Variants in SGCZ observed in about 807,000 individuals in gnomAD.
SGCZ encodes the protein zeta-sarcoglycan.
A neutral mutation model predicts 41.3 loss-of-function variants in SGCZ; 40 were observed. The observed-to-expected ratio is 0.97, with a 90% CI of 0.75 to 1.26. The LOEUF (loss-of-function observed/expected upper bound fraction) is 1.26, where lower values mean the gene tolerates loss of function less well. SGCZ is among the 50% of genes most tolerant of loss of function. SGCZ has a pLI of 0.00. For missense variants in SGCZ, 552 were observed against 369.8 expected, an observed-to-expected ratio of 1.49 and a Z score of -4.04; for synonymous variants, 206 against 137.5, an observed-to-expected ratio of 1.50 and a Z score of -3.49.
At position 14,494,653 on chromosome 8, in the gene SGCZ, T is replaced by A. The variant is rs188248673; in HGVS notation, c.234+60079A>T. ...TTGCAACAGGCTCTGGCTGCAAAAC[T>A]TTTTTCAGTCAAATAGTAGCATTTG... On this transcript the variant is annotated intron_variant, in intron 2 of 7. Transcript: ENST00000382080. 3.3e-5 allele frequency among the ~76,000 whole-genome samples: 5 copies of A among 152,232 alleles called. No homozygotes were observed. In the South Asian group the frequency reaches 1.0e-3, roughly 32 times the overall value.
chr8:14,614,349 G>A (rs572461592), intron 1 of SGCZ, among the ~76,000 whole-genome samples: 34 of 151,914 alleles, frequency 2.2e-4, no homozygotes, highest in African/African-American at 5.5e-4. Context: ...CATATCAACC[G>A]CCTATAAATT....
At chr8:14,303,755 C>A (rs1288015439) in intron 3 of SGCZ, among the ~76,000 whole-genome samples, 1 of 151,946 alleles carries the variant, frequency 6.6e-6, no homozygotes, top group Non-Finnish European at 1.5e-5. Flanking sequence ...TATCAAATAT[C>A]TATCTACATA....
chr8:14,147,963 A>C (rs938374225), intron 5 of SGCZ, among the ~76,000 whole-genome samples: 1 of 152,180 alleles, frequency 6.6e-6, no homozygotes, highest in Non-Finnish European at 1.5e-5. Flanking sequence ...TCAGTGTGTC[A>C]ATAAAGAAAT....
intron 1 of SGCZ, among the ~76,000 whole-genome samples, chr8:14,728,195 CT>C (rs1810121258): frequency 6.6e-6 from 1 of 152,038 alleles, no homozygotes; most frequent in South Asian, 2.1e-4. Context: ...GAAGCAAACA[CT>C]TGAAGTCTGT....
intron 1 of SGCZ, among the ~76,000 whole-genome samples, chr8:15,172,472 A>G (rs964371260): frequency 1.3e-5 from 2 of 152,174 alleles, no homozygotes; most frequent in African/African-American, 4.8e-5. Context: ...TTATGTAATG[A>G]CTAGTGAAAA....
chr8:14,469,128 T>C (rs11203612), intron 2 of SGCZ, among the ~76,000 whole-genome samples: 57,829 of 151,862 alleles, frequency 0.38, 12,115 homozygotes, highest in African/African-American at 0.57. Flanking sequence ...ACCCCTCCAC[T>C]TTTTGCTTCA....
At chr8:14,267,357 G>A (rs192334999) in intron 3 of SGCZ, among the ~76,000 whole-genome samples, 3 of 152,068 alleles carry the variant, frequency 2.0e-5, no homozygotes, top group South Asian at 2.1e-4. Flanking sequence ...CATAAGTAGC[G>A]TTATCATTTA....
chr8:15,213,178 C>T (rs940398603), intron 1 of SGCZ, among the ~76,000 whole-genome samples: 3 of 151,866 alleles, frequency 2.0e-5, no homozygotes, highest in African/African-American at 7.2e-5. Context: ...AAGATAAATT[C>T]ACATAAAGTT....
chr8:14,339,852 G>A (rs1409366881), intron 2 of SGCZ, among the ~76,000 whole-genome samples: 1 of 151,946 alleles, frequency 6.6e-6, no homozygotes, highest in East Asian at 1.9e-4. Context: ...AAAAACACAT[G>A]GGAATGAAAT....
chr8:14,572,255 T>C (rs533873835), intron 1 of SGCZ, among the ~76,000 whole-genome samples: 15 of 152,294 alleles, frequency 9.8e-5, no homozygotes, highest in Non-Finnish European at 1.6e-4. Flanking sequence ...ACCATTCCTT[T>C]ATAATCTGAA....
intron 1 of SGCZ, among the ~76,000 whole-genome samples, chr8:14,582,107 T>G (rs1804909771): frequency 1.3e-5 from 2 of 152,266 alleles, no homozygotes; most frequent in African/African-American, 4.8e-5. Flanking sequence ...ATAAATATAT[T>G]TTCTCTTTCT....
At chr8:14,817,179 T>C (rs1029775542) in intron 1 of SGCZ, among the ~76,000 whole-genome samples, 12 of 152,180 alleles carry the variant, frequency 7.9e-5, no homozygotes, top group South Asian at 2.1e-4. Context: ...TGCCTCCTTC[T>C]GTGTGTCACA....
chr8:14,802,350 G>A (rs1289358869), intron 1 of SGCZ, among the ~76,000 whole-genome samples: 1 of 152,158 alleles, frequency 6.6e-6, no homozygotes, highest in African/African-American at 2.4e-5. Flanking sequence ...ATAAAAATGT[G>A]TTCTTAACAA....
intron 3 of SGCZ, among the ~76,000 whole-genome samples, chr8:14,293,108 A>T (rs1310425354): frequency 1.3e-5 from 2 of 152,164 alleles, no homozygotes; most frequent in South Asian, 4.1e-4. Context: ...AAGTACAGCC[A>T]AAAATGTCCT....
chr8:14,192,672 A>G (rs975237363), intron 4 of SGCZ, among the ~76,000 whole-genome samples: 1 of 152,026 alleles, frequency 6.6e-6, no homozygotes, highest in African/African-American at 2.4e-5. Context: ...AATTGTTGTC[A>G]TTGAAGTAGT....
intron 2 of SGCZ, among the ~76,000 whole-genome samples, chr8:14,440,178 G>T (rs1436423822): frequency 1.3e-5 from 2 of 151,824 alleles, no homozygotes; most frequent in African/African-American, 2.4e-5. Context: ...GTTTGCCCAA[G>T]AATTTTTTAA....
chr8:14,526,819 G>C (rs1300820334), intron 2 of SGCZ, among the ~76,000 whole-genome samples: 4 of 151,992 alleles, frequency 2.6e-5, no homozygotes, highest in Admixed American at 6.6e-5. Context: ...ATCTATGACA[G>C]ATTCGTACCA....
intron 2 of SGCZ, among the ~76,000 whole-genome samples, chr8:14,423,976 T>A (rs1432721333): frequency 6.6e-6 from 1 of 152,156 alleles, no homozygotes; most frequent in African/African-American, 2.4e-5. Flanking sequence ...ACTAAAGTGT[T>A]AATGACAGGA....
chr8:14,303,886 G>C (rs910759693), intron 3 of SGCZ, among the ~76,000 whole-genome samples: 106 of 151,980 alleles, frequency 7.0e-4, no homozygotes, highest in African/African-American at 2.3e-3. Flanking sequence ...CGAGTGGCTA[G>C]GATTATAGGC....
Sources: gnomAD v4.1 joint callset for allele counts (sites outside exome capture counted in the v4.1 genomes callset) on GRCh38, gnomAD v4.1.1 for gene constraint, MANE v1.5 for transcripts, NCBI Gene and HGNC (gene_info 2026-07-23, HGNC 2026-07-21) for gene names.